TMEM132B: variants seen among roughly 807,000 people sequenced by gnomAD.
TMEM132B encodes the protein transmembrane protein 132B.
A neutral mutation model predicts 90.8 loss-of-function variants in TMEM132B; 18 were observed. The ratio of observed to expected loss-of-function variants is 0.20; its 90% CI spans 0.14 to 0.29. TMEM132B has a LOEUF of 0.29. Ranked by LOEUF, TMEM132B falls within the 10% of genes least tolerant of loss-of-function variation. TMEM132B has a pLI of 1.00. For synonymous variants in TMEM132B, 504 were observed against 523.3 expected (o/e 0.96, Z 0.50); for missense variants, 1,096 against 1,326.8 (o/e 0.83, Z 2.70).
intron 4 of TMEM132B, among the ~76,000 whole-genome samples, chr12:125,533,751 C>T (rs1043455623): frequency 6.6e-6 from 1 of 152,208 alleles, no homozygotes; most frequent in African/African-American, 2.4e-5. Flanking sequence ...CCAGGGATTC[C>T]CGATTTCCCT....
rs536397150 is a variant in TMEM132B at position 125,433,934 on chromosome 12, A to G, written c.1106+18257A>G. ...GGGCTCTGCAAATTGAGTATTACAT[A>G]TGAGATATTTGTGGGTGTATTAGTT... On this transcript the variant is annotated intron_variant, in intron 3 of 8. Transcript: ENST00000682704. Among the ~76,000 whole-genome samples, 3 of 152,262 alleles carry G rather than the reference A, an allele frequency of 2.0e-5. No individual in the cohort carries two copies. The South Asian group carries it at 6.2e-4, about 32-fold the overall frequency.
At chr12:125,515,885 C>T (rs915434657) in intron 3 of TMEM132B, among the ~76,000 whole-genome samples, 1 of 136,858 alleles carries the variant, frequency 7.3e-6, no homozygotes, top group Non-Finnish European at 1.5e-5. Flanking sequence ...CATAGACATT[C>T]TCACGCACAC....
At chr12:125,274,695 A>T (rs73412526) in intron 1 of TMEM132B, among the ~76,000 whole-genome samples, 9,464 of 152,228 alleles carry the variant, frequency 0.062, 1,006 homozygotes, top group African/African-American at 0.22. Flanking sequence ...TGACATTTTG[A>T]TCTACATCTG....
intron 1 of TMEM132B, among the ~76,000 whole-genome samples, chr12:125,289,415 G>A (rs1875470121): frequency 6.6e-6 from 1 of 152,170 alleles, no homozygotes; most frequent in Non-Finnish European, 1.5e-5. Context: ...CCATTTTACA[G>A]GAGAGAAAAC....
chr12:125,555,789 G>A (rs111869966), intron 4 of TMEM132B, among the ~76,000 whole-genome samples: 2,003 of 152,196 alleles, frequency 0.013, 42 homozygotes, highest in African/African-American at 0.046. Context: ...TGTCGAGTTT[G>A]CATAAGAAAC....
intron 3 of TMEM132B, among the ~76,000 whole-genome samples, chr12:125,513,237 G>A (rs1883027117): frequency 1.3e-5 from 2 of 149,698 alleles, no homozygotes; most frequent in African/African-American, 4.9e-5. Context: ...TTCAACAGAT[G>A]TCTAATGAGC....
chr12:125,618,368 A>G (rs1451053230), intron 5 of TMEM132B, among the ~76,000 whole-genome samples: 2 of 151,964 alleles, frequency 1.3e-5, no homozygotes, highest in Non-Finnish European at 2.9e-5. Context: ...TGGTATTTAG[A>G]CTCTGCCACA....
intron 1 of TMEM132B, among the ~76,000 whole-genome samples, chr12:125,253,243 C>T (rs1349880155): frequency 6.6e-6 from 1 of 152,134 alleles, no homozygotes; most frequent in Non-Finnish European, 1.5e-5. Context: ...CTGAGTGTTG[C>T]CGTTGGTTCA....
At chr12:125,642,221 C>T (rs1886650544) in intron 5 of TMEM132B, among the ~76,000 whole-genome samples, 3 of 152,180 alleles carry the variant, frequency 2.0e-5, no homozygotes, top group Non-Finnish European at 2.9e-5. Context: ...GTGTCAGCAT[C>T]TATTAAAAAT....
chr12:125,299,618 A>C (rs1875766226), intron 1 of TMEM132B, among the ~76,000 whole-genome samples: 1 of 152,196 alleles, frequency 6.6e-6, no homozygotes, highest in South Asian at 2.1e-4. Flanking sequence ...TCCCAGAAGC[A>C]GCACCTCATT....
chr12:125,267,913 G>T (rs1269402143), intron 1 of TMEM132B, among the ~76,000 whole-genome samples: 1 of 152,076 alleles, frequency 6.6e-6, no homozygotes, highest in Non-Finnish European at 1.5e-5. Flanking sequence ...GTTGCATTTG[G>T]CCTGTGGACC....
chr12:125,289,588 T>C (rs1565994016), intron 1 of TMEM132B, among the ~76,000 whole-genome samples: 1 of 152,212 alleles, frequency 6.6e-6, no homozygotes. Context: ...AGAATAACAA[T>C]AGTGGCATGG....
chr12:125,313,452 TC>T (rs1394230181), intron 1 of TMEM132B, among the ~76,000 whole-genome samples: 1 of 151,086 alleles, frequency 6.6e-6, no homozygotes, highest in Non-Finnish European at 1.5e-5. Flanking sequence ...CCTTCCTTCC[TC>T]CCTTCTTTCT....
intron 1 of TMEM132B, among the ~76,000 whole-genome samples, chr12:125,248,252 A>G (rs751194931): frequency 3.3e-5 from 5 of 152,200 alleles, no homozygotes; most frequent in Non-Finnish European, 7.3e-5. Flanking sequence ...AGCTAGCAGG[A>G]GATATAGTCA....
intron 2 of TMEM132B, among the ~76,000 whole-genome samples, chr12:125,390,171 C>A (rs1327272427): frequency 6.6e-6 from 1 of 152,156 alleles, no homozygotes; most frequent in Non-Finnish European, 1.5e-5. Context: ...ATGTGTTCAC[C>A]AAAAGACACA....
intron 1 of TMEM132B, among the ~76,000 whole-genome samples, chr12:125,273,693 G>T (rs1874908580): frequency 1.3e-5 from 2 of 152,170 alleles, no homozygotes; most frequent in African/African-American, 2.4e-5. Flanking sequence ...TTCTCTTGTT[G>T]TCACTAAGAC....
chr12:125,266,465 A>T (rs1874699254), intron 1 of TMEM132B, among the ~76,000 whole-genome samples: 2 of 152,248 alleles, frequency 1.3e-5, no homozygotes, highest in South Asian at 4.1e-4. Context: ...GCATAATTAT[A>T]ATTAAAATCT....
At chr12:125,240,070 G>T (rs1383942481) in intron 1 of TMEM132B, among the ~76,000 whole-genome samples, 1 of 152,222 alleles carries the variant, frequency 6.6e-6, no homozygotes, top group Non-Finnish European at 1.5e-5. Context: ...CTGCCATGTG[G>T]CTTGCAGGGT....
intron 1 of TMEM132B, among the ~76,000 whole-genome samples, chr12:125,329,128 T>C (rs1876686819): frequency 6.6e-6 from 1 of 152,172 alleles, no homozygotes; most frequent in Non-Finnish European, 1.5e-5. Flanking sequence ...GGGGCCCTCA[T>C]GAGTGCTTTT....
Sources: allele counts gnomAD v4.1 joint callset (sites outside exome capture counted in the v4.1 genomes callset), GRCh38; gene constraint gnomAD v4.1.1; transcripts MANE v1.5; gene names NCBI Gene and HGNC (gene_info 2026-07-23, HGNC 2026-07-21).